The following TRIM64B variants were observed in gnomAD, a reference collection of about 807,000 sequenced individuals.
The protein encoded by TRIM64B is tripartite motif-containing protein 64B.
For synonymous variants in TRIM64B, 17 were observed against 190.3 expected, an observed-to-expected ratio of 0.09 and a Z score of 7.50; for missense variants, 57 against 536.4, an observed-to-expected ratio of 0.11 and a Z score of 8.83.
At chr11:89,870,931 G>C (rs1385506186) in exon 6 of TRIM64B, 1 of 1,551,314 alleles carries the variant, frequency 6.4e-7, no homozygotes, top group Non-Finnish European at 8.7e-7. Context: ...GGAGGAGAGG[G>C]TCACATCCAC....
At chr11:89,873,211 C>G (rs1326390934) in intron 4 of TRIM64B, 57 bp downstream of exon 5, 2 of 1,541,372 alleles carry the variant, frequency 1.3e-6, no homozygotes, top group African/African-American at 2.8e-5. Flanking sequence ...GATACATCCC[C>G]TTCATTCGCA....
chr11:89,876,434 A>G (rs1316170928), upstream of TRIM64B, among the ~76,000 whole-genome samples: 2 of 149,398 alleles, frequency 1.3e-5, no homozygotes, highest in South Asian at 4.2e-4. Context: ...AAAAATATGT[A>G]CATGTTTGGC....
exon 4 of TRIM64B, chr11:89,873,282 T>C (rs1430556667): frequency 6.4e-7 from 1 of 1,551,204 alleles, no homozygotes; most frequent in Admixed American, 2.0e-5. Context: ...CTGATACATT[T>C]CTCACATCCT....
At chr11:89,877,231 C>T (rs1950171046), upstream of TRIM64B, among the ~76,000 whole-genome samples, 1 of 97,266 alleles carries the variant, frequency 1.0e-5, no homozygotes, top group Non-Finnish European at 2.1e-5. Context: ...TTAAATTTGT[C>T]CTTTTAACTT....
chr11:89,870,616 AC>A (rs755284240), exon 6 of TRIM64B: 50 of 1,547,296 alleles, frequency 3.2e-5, no homozygotes, highest in Non-Finnish European at 8.7e-6. Flanking sequence ...CGTGAAACCA[AC>A]TTTTCATGTA....
At chr11:89,872,720 A>G (rs1408264712) in intron 4 of TRIM64B, among the ~76,000 whole-genome samples, 2 of 151,760 alleles carry the variant, frequency 1.3e-5, no homozygotes, top group Admixed American at 6.5e-5. Context: ...CTGAGGCAAA[A>G]GGCTTTAATC....
chr11:89,876,477 C>A (rs1428583368), upstream of TRIM64B, among the ~76,000 whole-genome samples: 1 of 149,510 alleles, frequency 6.7e-6, no homozygotes, highest in African/African-American at 2.4e-5. Flanking sequence ...AATCCCAGCA[C>A]TTCGGGAGGC....
intron 4 of TRIM64B, among the ~76,000 whole-genome samples, chr11:89,872,563 C>T (rs1476332414): frequency 6.6e-6 from 1 of 151,816 alleles, no homozygotes; most frequent in Non-Finnish European, 1.5e-5. Flanking sequence ...CATTAAAAGT[C>T]ATTGCCTCCC....
At chr11:89,877,729 C>T (rs904870064), upstream of TRIM64B, among the ~76,000 whole-genome samples, 1 of 149,378 alleles carries the variant, frequency 6.7e-6, no homozygotes, top group Non-Finnish European at 1.5e-5. Flanking sequence ...AAACAATTCT[C>T]CTGCCGCAGC....
intron 4 of TRIM64B, among the ~76,000 whole-genome samples, chr11:89,872,564 A>G (rs1424308096): frequency 1.3e-5 from 2 of 151,808 alleles, no homozygotes; most frequent in African/African-American, 4.9e-5. Flanking sequence ...ATTAAAAGTC[A>G]TTGCCTCCCT....
intron 5 of TRIM64B, among the ~76,000 whole-genome samples, chr11:89,871,528 C>CA (rs1293275099): frequency 6.6e-6 from 1 of 150,444 alleles, no homozygotes; most frequent in East Asian, 2.0e-4. Context: ...TCTCAAACAT[C>CA]AAAAATTTGG....
intron 4 of TRIM64B, among the ~76,000 whole-genome samples, chr11:89,872,782 G>A (rs1419926118): frequency 6.6e-6 from 1 of 151,766 alleles, no homozygotes; most frequent in Non-Finnish European, 1.5e-5. Flanking sequence ...CTGCTGCTGA[G>A]GGGCCCGAGG....
At chr11:89,872,191 G>A in intron 5 of TRIM64B, 24 bp downstream of exon 6, 2 of 1,509,374 alleles carry the variant, frequency 1.3e-6, no homozygotes, top group South Asian at 2.4e-5. Flanking sequence ...TTTGAGGCTG[G>A]AATGCCAAGC....
chr11:89,871,313 T>C (rs1407305429), intron 5 of TRIM64B, among the ~76,000 whole-genome samples, 199 bp from the exon 7 acceptor site: 1 of 152,204 alleles, frequency 6.6e-6, no homozygotes, highest in Admixed American at 6.5e-5. Flanking sequence ...CCTTAAGTAA[T>C]AGAGAAAAAA....
chr11:89,876,566 CA>C (rs1197124465), upstream of TRIM64B, among the ~76,000 whole-genome samples: 2 of 149,466 alleles, frequency 1.3e-5, no homozygotes, highest in Non-Finnish European at 3.0e-5. Flanking sequence ...ACTAAAAATA[CA>C]AAAAATTAGC....
At chr11:89,872,457 G>A in intron 4 of TRIM64B, 145 bp from the exon 6 acceptor site, 2 of 1,406,196 alleles carry the variant, frequency 1.4e-6, no homozygotes, top group Non-Finnish European at 1.9e-6. Context: ...CCACACTCTA[G>A]GGGCAATAAG....
upstream of TRIM64B, among the ~76,000 whole-genome samples, chr11:89,877,609 C>CTTTTTTTTTT (rs1280189775): frequency 7.1e-6 from 1 of 141,498 alleles, no homozygotes; most frequent in Non-Finnish European, 1.6e-5. Context: ...TTTTCTTTTT[C>CTTTTTTTTTT]TTTTTTTTTT....
chr11:89,876,532 C>G (rs1365387473), upstream of TRIM64B, among the ~76,000 whole-genome samples: 2 of 149,640 alleles, frequency 1.3e-5, no homozygotes, highest in East Asian at 3.9e-4. Flanking sequence ...ACCATCCTGA[C>G]TAACACGGTG....
intron 4 of TRIM64B, among the ~76,000 whole-genome samples, 174 bp from the exon 6 acceptor site, chr11:89,872,486 C>T (rs1340337885): frequency 2.0e-5 from 3 of 151,782 alleles, no homozygotes; most frequent in Non-Finnish European, 4.4e-5. Context: ...TTTTTCTAAA[C>T]TTTGCTTCCA....
Sources: allele counts gnomAD v4.1 joint callset (sites outside exome capture counted in the v4.1 genomes callset), GRCh38; gene constraint gnomAD v4.1.1; transcripts MANE v1.5; gene names NCBI Gene and HGNC (gene_info 2026-07-23, HGNC 2026-07-21).